CRTAM: variants seen among roughly 807,000 people sequenced by gnomAD.
CRTAM encodes cytotoxic and regulatory T-cell molecule.
Under a neutral mutation model 50.0 loss-of-function variants are expected in CRTAM, and 44 were observed. The ratio of observed to expected loss-of-function variants is 0.88; its 90% CI spans 0.69 to 1.13. The LOEUF (loss-of-function observed/expected upper bound fraction) is 1.13, where lower values mean the gene tolerates loss of function less well. CRTAM is among the 50% of genes most tolerant of loss of function. The pLI is 0.00. For synonymous variants in CRTAM, 159 were observed against 169.3 expected, an observed-to-expected ratio of 0.94 and a Z score of 0.47; for missense variants, 448 against 457.5, an observed-to-expected ratio of 0.98 and a Z score of 0.19.
At chr11:122,868,462 C>T (rs1019375222) in intron 9 of CRTAM, among the ~76,000 whole-genome samples, 1 of 151,966 alleles carries the variant, frequency 6.6e-6, no homozygotes, top group African/African-American at 2.4e-5. Context: ...TATTCCAGCT[C>T]CAGCAGACAG....
intron 1 of CRTAM, among the ~76,000 whole-genome samples, chr11:122,846,942 A>G (rs1467918701): frequency 1.3e-5 from 2 of 152,226 alleles, no homozygotes; most frequent in Admixed American, 1.3e-4. Context: ...GAAGAGCTGC[A>G]GAGCTACAAG....
At chr11:122,850,248 G>C (rs772859272) in intron 2 of CRTAM, 34 bp downstream of exon 2, 3 of 1,557,288 alleles carry the variant, frequency 1.9e-6, no homozygotes, top group South Asian at 2.4e-5. Flanking sequence ...AATGCCACCA[G>C]ACCTTAACCT....
chr11:122,870,189 T>C (rs2135258918), intron 9 of CRTAM, among the ~76,000 whole-genome samples: 1 of 152,200 alleles, frequency 6.6e-6, no homozygotes, highest in African/African-American at 2.4e-5. Context: ...CAATCAGTCC[T>C]CCCGCCTCAG....
chr11:122,867,158 G>T (rs1196306151), intron 7 of CRTAM, among the ~76,000 whole-genome samples: 2 of 152,078 alleles, frequency 1.3e-5, no homozygotes, highest in Non-Finnish European at 2.9e-5. Flanking sequence ...TAGCCCAATA[G>T]CTACGTCACT....
At chr11:122,867,377 G>T in intron 7 of CRTAM, 32 bp from the exon 8 acceptor site, 9 of 1,542,858 alleles carry the variant, frequency 5.8e-6, no homozygotes, top group Admixed American at 2.0e-5. Flanking sequence ...AAAACCCAAA[G>T]TATCTAAACT....
intron 9 of CRTAM, among the ~76,000 whole-genome samples, chr11:122,869,101 C>G (rs1862221157): frequency 1.3e-5 from 2 of 152,134 alleles, no homozygotes; most frequent in South Asian, 2.1e-4. Context: ...TCCTGTAGAA[C>G]TTAAGGAGTC....
chr11:122,855,214 G>T (rs1861989526), intron 4 of CRTAM, among the ~76,000 whole-genome samples: 1 of 152,186 alleles, frequency 6.6e-6, no homozygotes, highest in Non-Finnish European at 1.5e-5. Context: ...AGAGTGCTGG[G>T]ATTACAGGCG....
chr11:122,868,737 G>A (rs1473380362), intron 9 of CRTAM, among the ~76,000 whole-genome samples: 1 of 152,186 alleles, frequency 6.6e-6, no homozygotes, highest in Non-Finnish European at 1.5e-5. Flanking sequence ...GGCTGGGTAC[G>A]GTGGCTCACG....
Position 122,855,773 on chromosome 11 carries a change from A to G in CRTAM, c.569A>G (p.Lys190Arg). Residue 190 changes from lysine to arginine, a missense_variant, in exon 5 of 10, where the codon AAA (lysine) becomes AGA (arginine). Physicochemically the swap from Lys to Arg is conservative, Grantham distance 26. Coordinates refer to ENST00000227348, the MANE Select transcript of CRTAM (RefSeq NM_019604.4). The part of the protein sequence containing the change: ...TSTLIIHTYG[K>R]NSTVDCIIRH... ...ACTCTCATAATCCACACTTATGGCA[A>G]AAATTCAACGGTGGACTGCATTATC... 6.2e-7 allele frequency: 1 copy of G among 1,614,136 alleles called. No homozygotes were observed.
chr11:122,845,620 T>G (rs1397077784), intron 1 of CRTAM, among the ~76,000 whole-genome samples: 3 of 152,024 alleles, frequency 2.0e-5, no homozygotes, highest in Non-Finnish European at 4.4e-5. Flanking sequence ...GGTAGGAGAA[T>G]TGCTTGCAAC....
rs185237220 is a variant in CRTAM, at chr11:122,849,707, A to T, written c.47-361A>T. Among the ~76,000 whole-genome samples the T allele has an allele frequency of 3.2e-3, 490 of 152,082 alleles. 2 individuals are homozygous for T. The highest frequency in any genetic ancestry group is 0.011 in the African/African-American group (458 of 41,480). On this transcript the variant is annotated intron_variant, in intron 1 of 9. Transcript: ENST00000227348. Reference sequence around the variant, plus strand: ...ACTGGACTTCAGCCTGGGCAACCAGAGTGAGACTTTGTCTCAAAAAAAAAA... The same window carrying T: ...ACTGGACTTCAGCCTGGGCAACCAGTGTGAGACTTTGTCTCAAAAAAAAAA...
intron 9 of CRTAM, among the ~76,000 whole-genome samples, chr11:122,868,307 T>A (rs1395485169): frequency 1.3e-5 from 2 of 150,468 alleles, no homozygotes; most frequent in African/African-American, 4.9e-5. Flanking sequence ...GGACAGGAGG[T>A]CTGCAAACTG....
At chr11:122,842,174 G>C (rs1347391690) in intron 1 of CRTAM, among the ~76,000 whole-genome samples, 6 of 152,238 alleles carry the variant, frequency 3.9e-5, no homozygotes. Context: ...CAGGAGTCAA[G>C]TCGGCTGGAA....
At chr11:122,853,279 C>G (rs1258367205) in intron 3 of CRTAM, among the ~76,000 whole-genome samples, 1 of 151,732 alleles carries the variant, frequency 6.6e-6, no homozygotes, top group African/African-American at 2.4e-5. Flanking sequence ...TGTTGGTTGG[C>G]CAGGATGGTC....
At position 122,853,983 on chromosome 11, in the gene CRTAM, A is replaced by G; in HGVS notation, c.387A>G (p.Arg129=). ...CAATCCTGGAAGCTTCAGTTATCAG[A>G]AAGCAAAATGGAGAAGAACATGTTG... is the stretch of plus-strand genomic sequence containing the variant. ...FKPILEASVI[R]KQNGEEHVVL... Residue 129 remains arginine, a synonymous_variant, in exon 4 of 10, where the codon AGA becomes AGG. Coordinates refer to ENST00000227348, the MANE Select transcript of CRTAM (RefSeq NM_019604.4). 6.2e-7 allele frequency: 1 copy of G among 1,614,146 alleles called. No homozygotes were observed. Among genetic ancestry groups the G allele is most frequent in the Non-Finnish European group, 8.5e-7 (1 of 1,180,018 alleles).
rs1285237745 is a variant in CRTAM at position 122,855,810 on chromosome 11, C to A, written c.606C>A (p.Gly202=). The A allele has an allele frequency of 6.2e-7, 1 of 1,613,992 alleles. No homozygotes were observed. Among genetic ancestry groups the A allele is most frequent in the South Asian group, 1.1e-5 (1 of 91,068 alleles). ...STVDCIIRHR[G]LQGRKLVAPF... is the part of the protein sequence containing the mutation. ...TGGACTGCATTATCCGACACAGAGGCCTGCAAGGGAGAAAACTAGTAGCAC... is the reference window on the plus strand; with the variant it reads ...TGGACTGCATTATCCGACACAGAGGACTGCAAGGGAGAAAACTAGTAGCAC... The change falls in exon 5 of 10, where the codon GGC becomes GGA. Residue 202 remains glycine, a synonymous_variant. Transcript: ENST00000227348.
In CRTAM at chr11:122,871,546, C is replaced by T. The variant is rs1466713201; in HGVS notation, c.*147C>T. 14 of 582,842 alleles carry T rather than the reference C, an allele frequency of 2.4e-5. No individual in the cohort carries two copies. The highest frequency in any genetic ancestry group is 2.2e-4 in the South Asian group (6 of 27,702). 36.1% of individuals were successfully genotyped at this position (582,842 alleles called of 1,614,324 possible). Reference sequence around the variant, plus strand: ...GGTGTCCTCGGATAATGATCTGCCCCGGAGCTAGGGCAGCAACATGAGGAC... The same window carrying T: ...GGTGTCCTCGGATAATGATCTGCCCTGGAGCTAGGGCAGCAACATGAGGAC... On this transcript the variant is annotated 3_prime_UTR_variant, in exon 10 of 10. Coordinates refer to ENST00000227348, the MANE Select transcript of CRTAM (RefSeq NM_019604.4).
chr11:122,858,701 A>C (rs1862035096), intron 5 of CRTAM, among the ~76,000 whole-genome samples: 1 of 151,612 alleles, frequency 6.6e-6, no homozygotes, highest in Non-Finnish European at 1.5e-5. Context: ...GTTAATTTTA[A>C]AATTTTTTAT....
intron 1 of CRTAM, 53 bp downstream of exon 1, chr11:122,838,645 A>G: frequency 6.5e-7 from 1 of 1,538,272 alleles, no homozygotes; most frequent in Admixed American, 1.7e-5. Flanking sequence ...ATGTTTTGCC[A>G]CATCTACCTA....
Sources: gnomAD v4.1 joint callset for allele counts (sites outside exome capture counted in the v4.1 genomes callset) on GRCh38, gnomAD v4.1.1 for gene constraint, MANE v1.5 for transcripts, NCBI Gene and HGNC (gene_info 2026-07-23, HGNC 2026-07-21) for gene names.